Variants in TMEM165 observed in about 807,000 individuals in gnomAD.
TMEM165 encodes the protein transmembrane protein 165.
Under a neutral mutation model 30.0 loss-of-function variants are expected in TMEM165, and 19 were observed. The ratio of observed to expected loss-of-function variants is 0.63; its 90% confidence interval spans 0.44 to 0.93. The LOEUF (loss-of-function observed/expected upper bound fraction) is 0.93, where lower values mean the gene tolerates loss of function less well. Among genes scored for constraint, TMEM165 ranks in the 40% least tolerant of loss-of-function variants. The probability of loss-of-function intolerance (pLI) is 0.00; values close to 1 mark genes in which losing one functional copy is unlikely to be tolerated. For missense variants in TMEM165, 340 were observed against 417.0 expected (o/e 0.82, Z 1.61); for synonymous variants, 168 against 162.9 (o/e 1.03, Z -0.24).
At chr4:55,400,244 T>TATAATA (rs373799012) in intron 1 of TMEM165, among the ~76,000 whole-genome samples, 4,596 of 93,726 alleles carry the variant, frequency 0.049, 150 homozygotes, top group South Asian at 0.17. Flanking sequence ...ATGTAATTAA[T>TATAATA]ATTATATTAT....
intron 1 of TMEM165, among the ~76,000 whole-genome samples, chr4:55,409,394 C>T (rs1194832684): frequency 1.3e-5 from 2 of 152,092 alleles, no homozygotes; most frequent in Non-Finnish European, 2.9e-5. Flanking sequence ...TTACTATGTT[C>T]TTGGGTTTCT....
chr4:55,436,008 C>T (rs1193928027), intron 3 of TMEM165, among the ~76,000 whole-genome samples: 3 of 152,118 alleles, frequency 2.0e-5, no homozygotes, highest in Admixed American at 6.6e-5. Context: ...CTGGTTAGAG[C>T]GGCACAGTTA....
chr4:55,422,697 G>A (rs919673434), intron 4 of TMEM165, among the ~76,000 whole-genome samples: 1 of 152,018 alleles, frequency 6.6e-6, no homozygotes, highest in Non-Finnish European at 1.5e-5. Flanking sequence ...CACCCAGGGT[G>A]GAGTGCAGTG....
chr4:55,447,883 A>T (rs1723999070), intron 3 of TMEM165, among the ~76,000 whole-genome samples: 1 of 152,188 alleles, frequency 6.6e-6, no homozygotes, highest in African/African-American at 2.4e-5. Flanking sequence ...GAAAAATACT[A>T]CTTCTCCATA....
In TMEM165 at chr4:55,400,688, G is replaced by A. The variant is rs569980161; in HGVS notation, c.207+4292G>A. ...CCTGACCTGGTGATCCGCCTGCCTCGGCCTCCCAAAGTGCTGGGATTACAG... is the reference window on the plus strand; with the variant it reads ...CCTGACCTGGTGATCCGCCTGCCTCAGCCTCCCAAAGTGCTGGGATTACAG... On this transcript the variant is annotated intron_variant, in intron 1 of 5. Transcript: ENST00000381334. Among the ~76,000 whole-genome samples, 18 of 149,432 alleles carry A rather than the reference G, an allele frequency of 1.2e-4. 1 individual carries two copies. The highest frequency in any genetic ancestry group is 3.6e-4 in the African/African-American group (14 of 39,340).
At chr4:55,417,675 G>A in intron 3 of TMEM165, 128 bp from the exon 4 acceptor site, 4 of 741,198 alleles carry the variant, frequency 5.4e-6, no homozygotes, top group South Asian at 3.9e-5. Context: ...GAGGTTTGGG[G>A]GTCACATAAA....
intron 1 of TMEM165, among the ~76,000 whole-genome samples, chr4:55,402,972 A>G (rs1721094080): frequency 6.6e-6 from 1 of 151,198 alleles, no homozygotes; most frequent in Admixed American, 6.6e-5. Flanking sequence ...TTGTATTTTT[A>G]GTAGAGATGG....
At chr4:55,415,897 C>T (rs1721700118) in intron 2 of TMEM165, 1 of 151,776 alleles carries the variant, frequency 6.6e-6, no homozygotes, top group African/African-American at 2.4e-5. Context: ...CTCTGTTGCC[C>T]AAGCTGGGAT....
chr4:55,448,967 C>A (rs1724187105), intron 3 of TMEM165: 2 of 953,300 alleles, frequency 2.1e-6, no homozygotes, highest in Admixed American at 2.0e-5. Context: ...AATAAACTTA[C>A]CATTTGCCTC....
intron 3 of TMEM165, chr4:55,435,017 C>T (rs1304441154): frequency 3.8e-6 from 1 of 262,456 alleles, no homozygotes; most frequent in East Asian, 9.3e-5. Flanking sequence ...AAACCCCTGA[C>T]ATGGCAGTGG....
chr4:55,446,760 T>A (rs1037510630), intron 3 of TMEM165, among the ~76,000 whole-genome samples: 8 of 152,224 alleles, frequency 5.3e-5, no homozygotes, highest in Non-Finnish European at 1.0e-4. Flanking sequence ...CCATGAATTT[T>A]CAGTATATGA....
intron 4 of TMEM165, among the ~76,000 whole-genome samples, chr4:55,422,622 GGA>G (rs1189583912): frequency 4.0e-5 from 6 of 151,772 alleles, no homozygotes. Context: ...ATCAATTGTG[GGA>G]GAGAAACTTG....
chr4:55,419,996 T>G (rs1721896036), intron 4 of TMEM165, among the ~76,000 whole-genome samples: 1 of 149,948 alleles, frequency 6.7e-6, no homozygotes, highest in Admixed American at 6.7e-5. Flanking sequence ...CTAGAGAGGC[T>G]GAGGCAGGAG....
chr4:55,438,484 C>T, intron 3 of TMEM165: 2 of 1,613,778 alleles, frequency 1.2e-6, no homozygotes, highest in Non-Finnish European at 8.5e-7. Flanking sequence ...GACTGCCCCA[C>T]AAGCTACAGG....
chr4:55,414,151 T>G (rs1486300552), intron 2 of TMEM165, among the ~76,000 whole-genome samples: 1 of 151,926 alleles, frequency 6.6e-6, no homozygotes, highest in Non-Finnish European at 1.5e-5. Context: ...GCATCTGTAG[T>G]CCTAGCTACT....
chr4:55,397,716 CT>C (rs1720785142), intron 1 of TMEM165, among the ~76,000 whole-genome samples: 1 of 146,800 alleles, frequency 6.8e-6, no homozygotes, highest in African/African-American at 2.5e-5. Context: ...CTTTCCTTTC[CT>C]TTTTCCTTTC....
intron 1 of TMEM165, among the ~76,000 whole-genome samples, chr4:55,404,726 C>T (rs1267381625): frequency 1.3e-5 from 2 of 152,228 alleles, no homozygotes; most frequent in Admixed American, 1.3e-4. Flanking sequence ...GCATGAGCCA[C>T]CACAAATTCC....
In TMEM165 at chr4:55,417,128, A is replaced by G. The variant is rs1350126012; in HGVS notation, c.490A>G (p.Thr164Ala). ...IPRVYTYYVS[T>A]VLFAIFGIRM... Reference sequence around the variant, plus strand: ...CAGGGTCTATACATACTATGTTTCAACTGTATTATTTGCCATTTTTGGCAT... The same window carrying G: ...CAGGGTCTATACATACTATGTTTCAGCTGTATTATTTGCCATTTTTGGCAT... The change falls in exon 3 of 6, where the codon ACT becomes GCT. Residue 164 changes from threonine to alanine, a missense_variant. Transcript: ENST00000381334. The G allele has an allele frequency of 6.2e-7, 1 of 1,614,058 alleles. No individual in the cohort carries two copies. The highest frequency in any genetic ancestry group is 8.5e-7 in the Non-Finnish European group (1 of 1,179,986).
intron 1 of TMEM165, among the ~76,000 whole-genome samples, chr4:55,409,899 C>T (rs1298506543): frequency 6.6e-6 from 1 of 152,162 alleles, no homozygotes; most frequent in Non-Finnish European, 1.5e-5. Flanking sequence ...CCTCTTAGGA[C>T]CGTATGGATT....
Sources: allele counts gnomAD v4.1 joint callset (sites outside exome capture counted in the v4.1 genomes callset), GRCh38; gene constraint gnomAD v4.1.1; transcripts MANE v1.5; gene names NCBI Gene and HGNC (gene_info 2026-07-23, HGNC 2026-07-21).